The following POU6F2 variants were observed in gnomAD, a reference collection of about 807,000 sequenced individuals.
POU6F2 encodes the protein POU domain, class 6, transcription factor 2.
A neutral mutation model predicts 71.3 loss-of-function variants in POU6F2; 31 were observed. That is an observed-to-expected ratio of 0.43 (90% confidence interval 0.33 to 0.59). POU6F2 has a LOEUF of 0.59. Ranked by LOEUF, POU6F2 falls within the 20% of genes least tolerant of loss-of-function variation. The pLI is 0.04. For missense variants in POU6F2, 783 were observed against 856.8 expected, an observed-to-expected ratio of 0.91 and a Z score of 1.07; for synonymous variants, 347 against 355.7, an observed-to-expected ratio of 0.98 and a Z score of 0.27.
intron 2 of POU6F2, among the ~76,000 whole-genome samples, chr7:39,092,455 A>G (rs1791377941): frequency 6.6e-6 from 1 of 152,216 alleles, no homozygotes; most frequent in African/African-American, 2.4e-5. Flanking sequence ...TTCTTTGAGA[A>G]ACAAGTAAGC....
In POU6F2 at chr7:39,015,639, TTATA is replaced by T. The variant is rs1428795913; in HGVS notation, c.105+37586_105+37589del. Among the ~76,000 whole-genome samples, 3 of 106,728 alleles carry T rather than the reference TTATA, an allele frequency of 2.8e-5. No homozygotes were observed. The East Asian group carries it at 7.6e-4, about 27-fold the overall frequency. The allele number at this position is 106,728 out of a possible 152,430, so 70.0% of individuals were successfully genotyped here. The stretch of plus-strand genomic sequence containing the variant: ...GATCTACATTATAGATATATCTATG[TTATA>T]TATAGATATATATTATATATAGATA... On this transcript the variant is annotated intron_variant, in intron 1 of 9. Transcript: ENST00000518318.
chr7:39,264,815 T>A (rs768640723), intron 4 of POU6F2, among the ~76,000 whole-genome samples: 1 of 152,156 alleles, frequency 6.6e-6, no homozygotes, highest in African/African-American at 2.4e-5. Flanking sequence ...TATACACATA[T>A]GTATGTGTGT....
chr7:39,219,246 A>G (rs923498104), intron 4 of POU6F2, among the ~76,000 whole-genome samples: 2 of 152,172 alleles, frequency 1.3e-5, no homozygotes, highest in Non-Finnish European at 2.9e-5. Context: ...TTAATCTTCT[A>G]AGGATTTGCC....
At chr7:39,393,695 T>C (rs1197317810) in intron 5 of POU6F2, among the ~76,000 whole-genome samples, 1 of 152,158 alleles carries the variant, frequency 6.6e-6, no homozygotes, top group Non-Finnish European at 1.5e-5. Context: ...GGCTAGCATA[T>C]CTCTGGCTAG....
intron 2 of POU6F2, among the ~76,000 whole-genome samples, chr7:39,181,937 A>G (rs777977289): frequency 3.3e-5 from 5 of 152,166 alleles, no homozygotes; most frequent in Admixed American, 6.5e-5. Context: ...TCCATCAGGA[A>G]CTTCTTACAT....
intron 2 of POU6F2, among the ~76,000 whole-genome samples, chr7:39,195,999 A>G (rs1357757469): frequency 6.6e-6 from 1 of 152,200 alleles, no homozygotes; most frequent in African/African-American, 2.4e-5. Flanking sequence ...TTTTTCAAGC[A>G]CATTTAAAGC....
At chr7:39,266,691 T>G in intron 4 of POU6F2, among the ~76,000 whole-genome samples, 1 of 97,334 alleles carries the variant, frequency 1.0e-5, no homozygotes, top group South Asian at 4.2e-4. Flanking sequence ...CCACCGCACC[T>G]GGCCTTTTTT....
At position 39,225,074 on chromosome 7, in the gene POU6F2, A is replaced by G. The variant is rs184698416; in HGVS notation, c.598+17454A>G. 3.3e-5 allele frequency among the ~76,000 whole-genome samples: 5 copies of G among 152,394 alleles called. No homozygotes were observed. The East Asian group carries it at 9.6e-4, about 29-fold the overall frequency. On this transcript the variant is annotated intron_variant, in intron 4 of 9. Transcript: ENST00000518318. ...ACCATTTATGAATGAATTAAAAAACAAAAACCTCAAACCACTTTGAATTTC... is the reference window on the plus strand; with the variant it reads ...ACCATTTATGAATGAATTAAAAAACGAAAACCTCAAACCACTTTGAATTTC...
intron 5 of POU6F2, among the ~76,000 whole-genome samples, chr7:39,357,203 A>G (rs1399257945): frequency 6.6e-6 from 1 of 152,184 alleles, no homozygotes; most frequent in South Asian, 2.1e-4. Context: ...GGACTCTCAC[A>G]TGACACAGCC....
intron 5 of POU6F2, among the ~76,000 whole-genome samples, chr7:39,376,834 T>A (rs1786719730): frequency 6.6e-6 from 1 of 151,514 alleles, no homozygotes; most frequent in Non-Finnish European, 1.5e-5. Flanking sequence ...TTTAGAATTA[T>A]TTTTGCTCTA....
At chr7:39,366,438 G>C (rs746274264) in intron 5 of POU6F2, among the ~76,000 whole-genome samples, 7 of 152,158 alleles carry the variant, frequency 4.6e-5, no homozygotes, top group Admixed American at 1.3e-4. Flanking sequence ...AGGAGCAAAG[G>C]CTTCAAGGAA....
At chr7:39,249,676 A>ACCC (rs1333092785) in intron 4 of POU6F2, among the ~76,000 whole-genome samples, 1 of 152,132 alleles carries the variant, frequency 6.6e-6, no homozygotes, top group African/African-American at 2.4e-5. Context: ...ATTGCCTTAA[A>ACCC]CCCCACAATC....
chr7:39,256,483 A>G (rs966319195), intron 4 of POU6F2, among the ~76,000 whole-genome samples: 4 of 152,206 alleles, frequency 2.6e-5, no homozygotes, highest in Non-Finnish European at 5.9e-5. Context: ...TGCAATAGGA[A>G]GAAAAATGCT....
intron 2 of POU6F2, among the ~76,000 whole-genome samples, chr7:39,171,489 T>G (rs1043579692): frequency 2.0e-5 from 3 of 152,222 alleles, no homozygotes; most frequent in Admixed American, 6.5e-5. Context: ...TAGATTTTTC[T>G]TAGACATTGT....
intron 7 of POU6F2, among the ~76,000 whole-genome samples, chr7:39,443,770 C>T (rs1416041342): frequency 2.6e-5 from 4 of 152,030 alleles, no homozygotes; most frequent in Non-Finnish European, 5.9e-5. Context: ...TAAATATTAC[C>T]CTTTACATTG....
chr7:39,378,614 T>G (rs1786758068), intron 5 of POU6F2, among the ~76,000 whole-genome samples: 1 of 152,216 alleles, frequency 6.6e-6, no homozygotes, highest in African/African-American at 2.4e-5. Flanking sequence ...AGTTTCTGCT[T>G]CTGAAAAATG....
intron 4 of POU6F2, among the ~76,000 whole-genome samples, chr7:39,324,131 A>AT (rs1377937814): frequency 1.3e-5 from 2 of 151,948 alleles, no homozygotes; most frequent in Non-Finnish European, 2.9e-5. Flanking sequence ...GAAAAAAAAA[A>AT]GGCTCTTGCA....
intron 1 of POU6F2, among the ~76,000 whole-genome samples, chr7:39,036,292 G>T (rs1022181892): frequency 6.6e-6 from 1 of 151,992 alleles, no homozygotes; most frequent in Non-Finnish European, 1.5e-5. Context: ...TTATTTAATT[G>T]TAACAGTCCC....
At chr7:39,079,140 C>T (rs1473863069) in intron 1 of POU6F2, among the ~76,000 whole-genome samples, 1 of 147,452 alleles carries the variant, frequency 6.8e-6, no homozygotes, top group Non-Finnish European at 1.5e-5. Context: ...CATATTCATA[C>T]ACATTATCTG....
Sources: allele counts gnomAD v4.1 joint callset (sites outside exome capture counted in the v4.1 genomes callset), GRCh38; gene constraint gnomAD v4.1.1; transcripts MANE v1.5; gene names NCBI Gene and HGNC (gene_info 2026-07-23, HGNC 2026-07-21).